AGBL1: variants seen among roughly 807,000 people sequenced by gnomAD.
AGBL1 encodes the protein cytosolic carboxypeptidase 4.
In AGBL1, 130 loss-of-function variants were observed where a neutral mutation model predicts 118.9. The observed-to-expected ratio is 1.09, with a 90% CI of 0.95 to 1.26. AGBL1 has a LOEUF of 1.26. Among genes scored for constraint, AGBL1 ranks in the 50% most tolerant of loss-of-function variants. The pLI is 0.00. For missense variants in AGBL1, 1,584 were observed against 1,298.1 expected, an observed-to-expected ratio of 1.22 and a Z score of -3.38; for synonymous variants, 555 against 478.9, an observed-to-expected ratio of 1.16 and a Z score of -2.08.
intron 22 of AGBL1, among the ~76,000 whole-genome samples, chr15:86,901,555 T>C (rs2080212283): frequency 6.6e-6 from 1 of 152,138 alleles, no homozygotes; most frequent in Non-Finnish European, 1.5e-5. Flanking sequence ...TTAGACCAAC[T>C]TATAAAGAGT....
chr15:86,543,752 G>A (rs950276090), intron 19 of AGBL1, among the ~76,000 whole-genome samples: 3 of 152,164 alleles, frequency 2.0e-5, no homozygotes, highest in Non-Finnish European at 2.9e-5. Context: ...AAAGGATACA[G>A]GCATCTCACA....
At chr15:86,824,799 T>C (rs914498804) in intron 22 of AGBL1, among the ~76,000 whole-genome samples, 1 of 152,104 alleles carries the variant, frequency 6.6e-6, no homozygotes, top group African/African-American at 2.4e-5. Flanking sequence ...GCCTTACACC[T>C]AAAATCCCAG....
intron 21 of AGBL1, among the ~76,000 whole-genome samples, chr15:86,632,114 T>A (rs984228506): frequency 3.0e-4 from 46 of 151,620 alleles, no homozygotes; most frequent in African/African-American, 8.0e-4. Context: ...TTTTTTTTTT[T>A]AAAGTTAACC....
At position 86,761,661 on chromosome 15, in the gene AGBL1, A is replaced by G. The variant is rs181643758; in HGVS notation, c.3158+87225A>G. On this transcript the variant is annotated intron_variant, in intron 22 of 22. Coordinates refer to ENST00000614907, the MANE Select transcript of AGBL1 (RefSeq NM_001386094.1). ...AGTGTCTGTTCATAATCATTTGTGC[A>G]CTTTTTAATGGGGTTGTTTCGTGTT... Among the ~76,000 whole-genome samples, 466 of 152,120 alleles carry G rather than the reference A, an allele frequency of 3.1e-3. 1 individual carries two copies. Among genetic ancestry groups the G allele is most frequent in the Non-Finnish European group, 4.5e-3 (306 of 67,968 alleles).
At chr15:86,968,655 C>T (rs1228599457) in intron 23 of AGBL1, among the ~76,000 whole-genome samples, 1 of 151,932 alleles carries the variant, frequency 6.6e-6, no homozygotes, top group Non-Finnish European at 1.5e-5. Context: ...TCTTCAGCCA[C>T]CTCCCTTATC....
chr15:86,854,529 A>G (rs1473389469), intron 22 of AGBL1, among the ~76,000 whole-genome samples: 1 of 152,158 alleles, frequency 6.6e-6, no homozygotes, highest in Non-Finnish European at 1.5e-5. Flanking sequence ...CTATGTCCCA[A>G]ATAAACAGTC....
chr15:87,029,537 T>G (rs763617118), downstream of AGBL1, among the ~76,000 whole-genome samples: 2 of 151,964 alleles, frequency 1.3e-5, no homozygotes, highest in Non-Finnish European at 1.5e-5. Context: ...TAATGGCCAC[T>G]ACCCCTTCAT....
chr15:86,868,449 T>A (rs1243094053), intron 22 of AGBL1, among the ~76,000 whole-genome samples: 2 of 152,240 alleles, frequency 1.3e-5, no homozygotes, highest in African/African-American at 4.8e-5. Flanking sequence ...GGGAATTCTT[T>A]CAGGTTTAGT....
intron 22 of AGBL1, among the ~76,000 whole-genome samples, chr15:86,904,360 T>C (rs2080252880): frequency 6.6e-6 from 1 of 150,880 alleles, no homozygotes; most frequent in Non-Finnish European, 1.5e-5. Context: ...ATATAATATT[T>C]TAATATATAA....
At chr15:86,986,212 C>T (rs924069117) in intron 23 of AGBL1, among the ~76,000 whole-genome samples, 2 of 152,146 alleles carry the variant, frequency 1.3e-5, no homozygotes, top group African/African-American at 2.4e-5. Flanking sequence ...GCGTGAGCCA[C>T]GGCGCCCGGC....
rs1363363778 is a variant in AGBL1 at position 86,522,823 on chromosome 15, C to A, written c.2569C>A (p.Leu857Met). The A allele has an allele frequency of 9.3e-6, 15 of 1,613,556 alleles. No homozygotes were observed. The highest frequency in any genetic ancestry group is 1.3e-5 in the Non-Finnish European group (15 of 1,179,628). Reference sequence around the variant, plus strand: ...TTGTTCCTGTAGCCACAGATGCTCACTGAGCGGGGAAGATTTGAACAGACA... The same window carrying A: ...TTGTTCCTGTAGCCACAGATGCTCAATGAGCGGGGAAGATTTGAACAGACA... ...GVINGNHRCS[L>M]SGEDLNRQWL... Residue 857 changes from leucine (L) to methionine (M), a missense_variant, in exon 19 of 23, where the codon CTG becomes ATG. Transcript: ENST00000614907.
intron 18 of AGBL1, among the ~76,000 whole-genome samples, chr15:86,474,727 G>C (rs980371615): frequency 1.4e-4 from 21 of 152,182 alleles, no homozygotes; most frequent in Non-Finnish European, 2.5e-4. Flanking sequence ...GAAGACAGTA[G>C]TGGTTCTCCC....
chr15:87,000,847 T>G (rs1001870478), intron 24 of AGBL1, among the ~76,000 whole-genome samples: 13 of 148,092 alleles, frequency 8.8e-5, no homozygotes, highest in African/African-American at 3.3e-4. Context: ...ATATTGATTC[T>G]TCCTACCCAT....
At chr15:86,755,871 G>A (rs913853430) in intron 22 of AGBL1, among the ~76,000 whole-genome samples, 2 of 152,090 alleles carry the variant, frequency 1.3e-5, no homozygotes, top group Admixed American at 1.3e-4. Flanking sequence ...TTGGGGAGGA[G>A]ACTCTACCAG....
intron 24 of AGBL1, among the ~76,000 whole-genome samples, chr15:87,028,673 C>G (rs1259944957): frequency 6.6e-6 from 1 of 151,918 alleles, no homozygotes; most frequent in African/African-American, 2.4e-5. Flanking sequence ...TCTTACATCT[C>G]TAATCTAAAT....
chr15:86,138,324 C>T (rs1280429500), intron 1 of AGBL1: 1 of 152,214 alleles, frequency 6.6e-6, no homozygotes, highest in Non-Finnish European at 1.5e-5. Context: ...CCAGGCCCAA[C>T]CCTGTTTAGC....
At chr15:86,707,221 C>T (rs2086466237) in intron 22 of AGBL1, among the ~76,000 whole-genome samples, 1 of 152,074 alleles carries the variant, frequency 6.6e-6, no homozygotes, top group Non-Finnish European at 1.5e-5. Context: ...TACATCTGTG[C>T]ACAATACCAT....
At chr15:86,081,822 A>G (rs1895304930) in intron 1 of AGBL1, among the ~76,000 whole-genome samples, 1 of 152,240 alleles carries the variant, frequency 6.6e-6, no homozygotes, top group South Asian at 2.1e-4. Context: ...ATAGGGGTTC[A>G]GTAAAAATGA....
intron 18 of AGBL1, among the ~76,000 whole-genome samples, chr15:86,450,174 C>T (rs932286592): frequency 1.3e-5 from 2 of 152,194 alleles, no homozygotes; most frequent in Non-Finnish European, 2.9e-5. Flanking sequence ...AGCCACCTCC[C>T]GTGATGCATG....
Sources: gnomAD v4.1 joint callset for allele counts (sites outside exome capture counted in the v4.1 genomes callset) on GRCh38, gnomAD v4.1.1 for gene constraint, MANE v1.5 for transcripts, NCBI Gene and HGNC (gene_info 2026-07-23, HGNC 2026-07-21) for gene names.